Variants in VTI1A observed in about 807,000 individuals in gnomAD.
The protein encoded by VTI1A is vesicle transport through interaction with t-SNAREs 1A, also known as vesicle transport through interaction with t-SNAREs homolog 1A.
VTI1A carries 22 observed loss-of-function variants against 34.9 expected under a neutral mutation model. The ratio of observed to expected loss-of-function variants is 0.63; its 90% CI spans 0.45 to 0.90. The LOEUF (loss-of-function observed/expected upper bound fraction) is 0.90, where lower values mean the gene tolerates loss of function less well. VTI1A is among the 40% of genes least tolerant of loss of function. The probability of loss-of-function intolerance (pLI) is 0.00; values close to 1 mark genes in which losing one functional copy is unlikely to be tolerated. For synonymous variants in VTI1A, 87 were observed against 97.3 expected (o/e 0.89, Z 0.62); for missense variants, 268 against 275.6 (o/e 0.97, Z 0.20).
chr10:112,675,627 T>G (rs1198788166), intron 7 of VTI1A, among the ~76,000 whole-genome samples: 1 of 152,222 alleles, frequency 6.6e-6, no homozygotes, highest in African/African-American at 2.4e-5. Flanking sequence ...AACAACACCG[T>G]GCAGCAGAAG....
chr10:112,523,896 A>G (rs1191959283), intron 3 of VTI1A, among the ~76,000 whole-genome samples: 1 of 152,166 alleles, frequency 6.6e-6, no homozygotes, highest in South Asian at 2.1e-4. Context: ...TGGCTAAAGT[A>G]CGAATTTTAT....
chr10:112,672,876 A>G (rs762344645), intron 7 of VTI1A: 1 of 152,218 alleles, frequency 6.6e-6, no homozygotes, highest in Non-Finnish European at 1.5e-5. Context: ...CTAATTGTAC[A>G]TTTGTTTCTA....
At chr10:112,560,655 G>A (rs1851694892) in intron 5 of VTI1A, among the ~76,000 whole-genome samples, 1 of 148,710 alleles carries the variant, frequency 6.7e-6, no homozygotes. Context: ...GGAGTGCAGT[G>A]GCATGATCTC....
chr10:112,685,684 A>C (rs373155263), intron 7 of VTI1A, among the ~76,000 whole-genome samples: 7 of 152,046 alleles, frequency 4.6e-5, no homozygotes, highest in African/African-American at 7.2e-5. Flanking sequence ...CTTGTTCTGT[A>C]GTATTGATTT....
intron 3 of VTI1A, among the ~76,000 whole-genome samples, chr10:112,510,373 G>A (rs563773759): frequency 1.3e-5 from 2 of 152,224 alleles, no homozygotes; most frequent in African/African-American, 4.8e-5. Flanking sequence ...GGTGGCTTAT[G>A]GAAGTAATCC....
intron 3 of VTI1A, among the ~76,000 whole-genome samples, chr10:112,526,210 T>C (rs1486503356): frequency 2.0e-5 from 3 of 152,232 alleles, no homozygotes; most frequent in Non-Finnish European, 4.4e-5. Flanking sequence ...TTTCCAAATG[T>C]GTATACATTT....
intron 4 of VTI1A, among the ~76,000 whole-genome samples, chr10:112,531,061 C>CACCA (rs1554896983): frequency 2.2e-5 from 2 of 90,240 alleles, no homozygotes; most frequent in African/African-American, 7.6e-5. Flanking sequence ...ACGTGACACA[C>CACCA]CTCACACACA....
intron 7 of VTI1A, among the ~76,000 whole-genome samples, chr10:112,687,750 A>G (rs1356172542): frequency 6.6e-6 from 1 of 151,978 alleles, no homozygotes; most frequent in Admixed American, 6.5e-5. Context: ...TTGCAAATAG[A>G]GATACAAAAC....
intron 7 of VTI1A, among the ~76,000 whole-genome samples, chr10:112,783,919 A>G (rs886334260): frequency 1.3e-5 from 2 of 152,208 alleles, no homozygotes; most frequent in African/African-American, 4.8e-5. Flanking sequence ...AACAAGCAAG[A>G]AGGACAGCCG....
intron 3 of VTI1A, among the ~76,000 whole-genome samples, chr10:112,479,257 C>T (rs1160968845): frequency 1.3e-5 from 2 of 151,730 alleles, no homozygotes; most frequent in Non-Finnish European, 1.5e-5. Flanking sequence ...AGGAGGAAGA[C>T]TCTGTAGTAC....
At chr10:112,623,060 G>A (rs1845789504) in intron 5 of VTI1A, among the ~76,000 whole-genome samples, 1 of 152,258 alleles carries the variant, frequency 6.6e-6, no homozygotes, top group Admixed American at 6.5e-5. Flanking sequence ...AAAAGGCTCG[G>A]ATTTTAATGG....
intron 5 of VTI1A, among the ~76,000 whole-genome samples, chr10:112,614,571 G>T (rs1387486892): frequency 6.6e-6 from 1 of 152,070 alleles, no homozygotes; most frequent in East Asian, 1.9e-4. Context: ...CTTTGAAGGG[G>T]GTTTGTTTTC....
intron 5 of VTI1A, among the ~76,000 whole-genome samples, chr10:112,572,451 A>G (rs894689417): frequency 3.9e-5 from 6 of 152,250 alleles, no homozygotes; most frequent in Non-Finnish European, 7.3e-5. Context: ...GATAGATAAC[A>G]TGAAATAAGA....
chr10:112,609,230 C>A (rs1845201851), intron 5 of VTI1A, among the ~76,000 whole-genome samples: 1 of 152,012 alleles, frequency 6.6e-6, no homozygotes, highest in Non-Finnish European at 1.5e-5. Flanking sequence ...TATTTTTGCT[C>A]TTTGAAGGAG....
intron 7 of VTI1A, among the ~76,000 whole-genome samples, chr10:112,697,510 C>CCT (rs1262053210): frequency 6.6e-6 from 1 of 151,542 alleles, no homozygotes; most frequent in Non-Finnish European, 1.5e-5. Flanking sequence ...AATTCTCCTG[C>CCT]CTCAGCCTCC....
intron 3 of VTI1A, among the ~76,000 whole-genome samples, chr10:112,480,473 G>T (rs1848423904): frequency 6.6e-6 from 1 of 152,140 alleles, no homozygotes; most frequent in Admixed American, 6.6e-5. Flanking sequence ...AGGTACAGAT[G>T]GGATCGTACG....
intron 7 of VTI1A, among the ~76,000 whole-genome samples, chr10:112,810,701 G>A (rs112187820): frequency 8.5e-5 from 13 of 152,332 alleles, no homozygotes; most frequent in African/African-American, 2.6e-4. Flanking sequence ...AGTCACAGCT[G>A]TACCCCTGGA....
intron 7 of VTI1A, among the ~76,000 whole-genome samples, chr10:112,799,859 G>C (rs1852815429): frequency 6.6e-6 from 1 of 152,180 alleles, no homozygotes; most frequent in Admixed American, 6.5e-5. Context: ...CCAGGGCTTA[G>C]CCACAGCAGG....
chr10:112,535,441 G>A lies in VTI1A; in HGVS notation c.343-2805G>A, dbSNP rs541116360. Among the ~76,000 whole-genome samples, 10 of 152,216 alleles carry A rather than the reference G, an allele frequency of 6.6e-5. No individual in the cohort carries two copies. In the South Asian group the frequency reaches 1.7e-3, roughly 25 times the overall value. ...ACTTGCAACTGTGCTAAGAAGACAA[G>A]CACTCAGCTGCTCCAAAATGTGTTT... is the stretch of plus-strand genomic sequence containing the variant. On this transcript the variant is annotated intron_variant, in intron 4 of 7. Transcript: ENST00000393077.
Sources: gnomAD v4.1 joint callset for allele counts (sites outside exome capture counted in the v4.1 genomes callset) on GRCh38, gnomAD v4.1.1 for gene constraint, MANE v1.5 for transcripts, NCBI Gene and HGNC (gene_info 2026-07-23, HGNC 2026-07-21) for gene names.